GUCY1A2: variants seen among roughly 807,000 people sequenced by gnomAD.
GUCY1A2 encodes the protein guanylate cyclase soluble subunit alpha-2.
GUCY1A2 carries 27 observed loss-of-function variants against 63.5 expected under a neutral mutation model. That is an observed-to-expected ratio of 0.43 (90% CI 0.31 to 0.59). The LOEUF (loss-of-function observed/expected upper bound fraction) is 0.59. Ranked by LOEUF, GUCY1A2 falls within the 20% of genes least tolerant of loss-of-function variation. The pLI, the probability that GUCY1A2 is intolerant of heterozygous loss-of-function variation, is 0.11. For synonymous variants in GUCY1A2, 364 were observed against 343.5 expected (o/e 1.06, Z -0.66); for missense variants, 768 against 913.3 (o/e 0.84, Z 2.05).
chr11:106,726,478 A>C (rs1345797637), intron 6 of GUCY1A2, among the ~76,000 whole-genome samples: 1 of 152,312 alleles, frequency 6.6e-6, no homozygotes, highest in African/African-American at 2.4e-5. Flanking sequence ...ATATTGGGTA[A>C]GCAAGCAAAA....
chr11:106,941,564 A>C (rs1011318599), intron 3 of GUCY1A2, among the ~76,000 whole-genome samples: 3 of 152,210 alleles, frequency 2.0e-5, no homozygotes, highest in Non-Finnish European at 4.4e-5. Context: ...CAAATCAGGC[A>C]GGACTGGGAA....
At chr11:106,726,141 G>A (rs368502844) in intron 6 of GUCY1A2, among the ~76,000 whole-genome samples, 16 of 152,274 alleles carry the variant, frequency 1.1e-4, no homozygotes, top group African/African-American at 3.4e-4. Flanking sequence ...CAGGCTGGGC[G>A]TGGTGGTTCA....
At chr11:106,783,702 G>T in intron 5 of GUCY1A2, among the ~76,000 whole-genome samples, 1 of 152,104 alleles carries the variant, frequency 6.6e-6, no homozygotes, top group East Asian at 1.9e-4. Context: ...TGATTACCTT[G>T]TTTCTGAAGT....
chr11:106,725,596 T>C (rs1863394663), intron 6 of GUCY1A2, among the ~76,000 whole-genome samples: 1 of 152,144 alleles, frequency 6.6e-6, no homozygotes, highest in African/African-American at 2.4e-5. Flanking sequence ...AAAGTTATTA[T>C]CAAAACAAAA....
chr11:106,986,482 G>A lies in GUCY1A2; in HGVS notation c.304-351C>T, dbSNP rs897000478. On this transcript the variant is annotated intron_variant, in intron 1 of 7. Transcript: ENST00000526355. ...GGTGCCCTGCAGAAACATGAGTCACGGTTTTTCCTTTCCAGCATATGTAAT... is the reference window on the plus strand; with the variant it reads ...GGTGCCCTGCAGAAACATGAGTCACAGTTTTTCCTTTCCAGCATATGTAAT... Among the ~76,000 whole-genome samples the A allele has an allele frequency of 5.3e-5, 8 of 152,114 alleles. No homozygotes were observed. In the East Asian group the frequency reaches 7.7e-4, roughly 15 times the overall value.
intron 5 of GUCY1A2, among the ~76,000 whole-genome samples, chr11:106,787,403 T>A (rs1047958169): frequency 2.4e-4 from 10 of 42,094 alleles, no homozygotes; most frequent in Non-Finnish European, 4.3e-4. Flanking sequence ...CGTGGGAAAT[T>A]TGCCTTACTT....
At chr11:106,704,485 G>A (rs986192410) in intron 7 of GUCY1A2, among the ~76,000 whole-genome samples, 7 of 152,150 alleles carry the variant, frequency 4.6e-5, no homozygotes, top group Admixed American at 2.0e-4. Context: ...TAATCTGCTC[G>A]ACTGTACATG....
rs1163016066 is a variant in GUCY1A2 at position 106,679,432 on chromosome 11, A to G, written c.*8117T>C. The stretch of plus-strand genomic sequence containing the variant: ...GCTAGCAGCCAAACCCAATTTGAGA[A>G]GAATGTGAAGAAGAATATGGCGTAG... On this transcript the variant is annotated 3_prime_UTR_variant, in exon 8 of 8. Transcript: ENST00000526355. 1 of 195,354 alleles carries G rather than the reference A, an allele frequency of 5.1e-6. No homozygotes were observed. Among genetic ancestry groups the G allele is most frequent in the Non-Finnish European group, 1.1e-5 (1 of 94,096 alleles). 12.1% of individuals were successfully genotyped at this position (195,354 alleles called of 1,614,324 possible).
chr11:106,856,388 A>T (rs1859434777), intron 4 of GUCY1A2, among the ~76,000 whole-genome samples: 1 of 152,180 alleles, frequency 6.6e-6, no homozygotes, highest in Non-Finnish European at 1.5e-5. Context: ...CATAAGTAAT[A>T]TGACAGAAAG....
At chr11:106,773,916 T>G (rs1228624510) in intron 6 of GUCY1A2, among the ~76,000 whole-genome samples, 1 of 152,174 alleles carries the variant, frequency 6.6e-6, no homozygotes, top group Non-Finnish European at 1.5e-5. Flanking sequence ...ACCTGATAAG[T>G]TCACAAAAAA....
chr11:106,902,664 C>A (rs1310706904), intron 4 of GUCY1A2, among the ~76,000 whole-genome samples: 1 of 152,152 alleles, frequency 6.6e-6, no homozygotes, highest in African/African-American at 2.4e-5. Flanking sequence ...CCATCAACAT[C>A]CATGGGTTCC....
chr11:106,943,588 A>G (rs1860780941), intron 3 of GUCY1A2, among the ~76,000 whole-genome samples: 1 of 152,230 alleles, frequency 6.6e-6, no homozygotes, highest in East Asian at 1.9e-4. Context: ...CTTGAGGACA[A>G]GGACCTTGCC....
chr11:106,689,412 A>G (rs1862583092), intron 7 of GUCY1A2, among the ~76,000 whole-genome samples: 1 of 152,226 alleles, frequency 6.6e-6, no homozygotes, highest in South Asian at 2.1e-4. Context: ...CAAAAGCCTT[A>G]TCCCATTTTA....
intron 7 of GUCY1A2, among the ~76,000 whole-genome samples, chr11:106,691,192 C>A (rs547684404): frequency 7.9e-5 from 12 of 151,898 alleles, no homozygotes; most frequent in African/African-American, 2.7e-4. Flanking sequence ...TGAATGGAGA[C>A]GAGTAAGTGG....
At chr11:106,785,099 C>CT (rs2135408433) in intron 5 of GUCY1A2, among the ~76,000 whole-genome samples, 1 of 152,272 alleles carries the variant, frequency 6.6e-6, no homozygotes, top group African/African-American at 2.4e-5. Flanking sequence ...ATGTGGGTAG[C>CT]TTTTTTCTCC....
intron 1 of GUCY1A2, among the ~76,000 whole-genome samples, chr11:107,008,505 C>T (rs775015390): frequency 6.6e-5 from 10 of 152,110 alleles, no homozygotes; most frequent in Non-Finnish European, 1.3e-4. Context: ...ATCACAAAAT[C>T]ATTATAGCCA....
At chr11:106,690,379 G>A (rs1862602561) in intron 7 of GUCY1A2, among the ~76,000 whole-genome samples, 3 of 152,160 alleles carry the variant, frequency 2.0e-5, no homozygotes. Flanking sequence ...CAGCAACATG[G>A]ATGGAGCTGG....
intron 3 of GUCY1A2, among the ~76,000 whole-genome samples, chr11:106,964,847 G>A (rs965660448): frequency 2.0e-5 from 3 of 152,102 alleles, no homozygotes; most frequent in Non-Finnish European, 4.4e-5. Flanking sequence ...GGGCGTGGTG[G>A]CGGGCACCTG....
chr11:106,907,889 T>C (rs1242713642), intron 4 of GUCY1A2, among the ~76,000 whole-genome samples: 1 of 152,146 alleles, frequency 6.6e-6, no homozygotes, highest in Non-Finnish European at 1.5e-5. Flanking sequence ...GACACAGCAA[T>C]TCTTATCTTT....
Sources: allele counts gnomAD v4.1 joint callset (sites outside exome capture counted in the v4.1 genomes callset), GRCh38; gene constraint gnomAD v4.1.1; transcripts MANE v1.5; gene names NCBI Gene and HGNC (gene_info 2026-07-23, HGNC 2026-07-21).